The following FBXL17 variants were observed in gnomAD, a reference collection of about 807,000 sequenced individuals.
FBXL17 encodes F-box and leucine rich repeat protein 17, also known as F-box/LRR-repeat protein 17.
FBXL17 carries 22 observed loss-of-function variants against 66.2 expected under a neutral mutation model. The ratio of observed to expected loss-of-function variants is 0.33; its 90% confidence interval spans 0.24 to 0.47. The LOEUF is 0.47. Among genes scored for constraint, FBXL17 ranks in the 20% least tolerant of loss-of-function variants. The probability of loss-of-function intolerance (pLI) is 1.00; values close to 1 mark genes in which losing one functional copy is unlikely to be tolerated. For synonymous variants in FBXL17, 474 were observed against 400.5 expected, an observed-to-expected ratio of 1.18 and a Z score of -2.19; for missense variants, 878 against 948.2, an observed-to-expected ratio of 0.93 and a Z score of 0.97.
rs1314202083 is a variant in FBXL17, at chr5:108,294,292, AAT to A, written c.1506+54105_1506+54106del. ...ATATATATATATACTGAAAAAAAAA[AAT>A]ATATATATATACACTTACTGACAGT... On this transcript the variant is annotated intron_variant, in intron 4 of 8. Coordinates refer to ENST00000542267, the MANE Select transcript of FBXL17 (RefSeq NM_001163315.3). Among the ~76,000 whole-genome samples the A allele has an allele frequency of 7.5e-4, 109 of 145,866 alleles. 1 individual carries two copies. The highest frequency in any genetic ancestry group is 1.2e-3 in the East Asian group (6 of 5,018).
rs143789726 is a variant in FBXL17, at chr5:107,978,794, A to G, written c.1822+42131T>C. On this transcript the variant is annotated intron_variant, in intron 7 of 8. Coordinates refer to ENST00000542267, the MANE Select transcript of FBXL17 (RefSeq NM_001163315.3). ...TGGCTGAATATTTGAGATTTAAGTA[A>G]TAACTCTGTTGTCTTGCATGTGGCT... Among the ~76,000 whole-genome samples, 298 of 152,308 alleles carry G rather than the reference A, an allele frequency of 2.0e-3. 2 individuals carry two copies. Among genetic ancestry groups the G allele is most frequent in the African/African-American group, 6.9e-3 (286 of 41,566 alleles).
At chr5:107,865,568 A>G (rs1748249127) in intron 8 of FBXL17, among the ~76,000 whole-genome samples, 1 of 152,206 alleles carries the variant, frequency 6.6e-6, no homozygotes, top group African/African-American at 2.4e-5. Context: ...TGGGGTAAGA[A>G]TAGACAATAA....
chr5:107,991,939 G>A (rs575227907), intron 7 of FBXL17, among the ~76,000 whole-genome samples: 5 of 152,254 alleles, frequency 3.3e-5, no homozygotes, highest in South Asian at 4.1e-4. Context: ...TTTAATCATA[G>A]TATTTAATAA....
intron 6 of FBXL17, among the ~76,000 whole-genome samples, chr5:108,105,353 G>T (rs1561412164): frequency 6.6e-6 from 1 of 152,312 alleles, no homozygotes; most frequent in South Asian, 2.1e-4. Flanking sequence ...GTGAAAGATT[G>T]TAATTGTGTC....
intron 7 of FBXL17, among the ~76,000 whole-genome samples, chr5:107,913,972 A>AG (rs1750040913): frequency 7.5e-6 from 1 of 132,580 alleles, no homozygotes; most frequent in Admixed American, 8.8e-5. Flanking sequence ...TCATTTTATG[A>AG]GTTTTTTTTT....
Position 108,113,645 on chromosome 5 carries a change from T to A in FBXL17, c.1745+72472A>T, listed in dbSNP as rs141887257. On this transcript the variant is annotated intron_variant, in intron 6 of 8. Transcript: ENST00000542267. Reference sequence around the variant, plus strand: ...ACCATTAAAAAGTAGTAAATCTCTCTGAGAAATGTCCCCATTGAACTAAAC... The same window carrying A: ...ACCATTAAAAAGTAGTAAATCTCTCAGAGAAATGTCCCCATTGAACTAAAC... Among the ~76,000 whole-genome samples the A allele has an allele frequency of 3.1e-3, 467 of 152,258 alleles. 2 individuals are homozygous for A. The highest frequency in any genetic ancestry group is 0.011 in the African/African-American group (450 of 41,546).
chr5:107,927,994 T>C (rs1405318025), intron 7 of FBXL17, among the ~76,000 whole-genome samples: 1 of 152,106 alleles, frequency 6.6e-6, no homozygotes, highest in African/African-American at 2.4e-5. Flanking sequence ...AATGACTGCA[T>C]TTCTCACCAT....
At chr5:107,872,804 G>A (rs762163025) in intron 8 of FBXL17, among the ~76,000 whole-genome samples, 1 of 152,212 alleles carries the variant, frequency 6.6e-6, no homozygotes, top group African/African-American at 2.4e-5. Flanking sequence ...ATGTGAGACA[G>A]ATGCTATTAT....
chr5:107,971,270 G>A (rs1420451978), intron 7 of FBXL17, among the ~76,000 whole-genome samples: 1 of 152,082 alleles, frequency 6.6e-6, no homozygotes, highest in Admixed American at 6.6e-5. Context: ...TCTGTGTTAC[G>A]TATGAGCACA....
intron 6 of FBXL17, among the ~76,000 whole-genome samples, chr5:108,185,882 T>C (rs183365400): frequency 6.6e-6 from 1 of 152,186 alleles, no homozygotes; most frequent in African/African-American, 2.4e-5. Flanking sequence ...CAGCCTACTA[T>C]TGTTACAATT....
chr5:108,051,693 G>A (rs1027229911), intron 6 of FBXL17, among the ~76,000 whole-genome samples: 8 of 152,152 alleles, frequency 5.3e-5, no homozygotes, highest in African/African-American at 1.7e-4. Flanking sequence ...AGACAAGGAT[G>A]AGGCTGGGTG....
intron 4 of FBXL17, among the ~76,000 whole-genome samples, chr5:108,330,597 C>T (rs1201454398): frequency 6.6e-6 from 1 of 152,062 alleles, no homozygotes; most frequent in Non-Finnish European, 1.5e-5. Context: ...CTTCGTAAAG[C>T]AAAGAAGTAT....
intron 4 of FBXL17, among the ~76,000 whole-genome samples, chr5:108,303,394 A>C (rs1274667578): frequency 8.5e-6 from 1 of 118,238 alleles, no homozygotes; most frequent in Non-Finnish European, 2.0e-5. Flanking sequence ...ACACACACAC[A>C]CATACCCACA....
chr5:108,102,313 A>T (rs1405720145), intron 6 of FBXL17, among the ~76,000 whole-genome samples: 1 of 152,198 alleles, frequency 6.6e-6, no homozygotes, highest in Non-Finnish European at 1.5e-5. Flanking sequence ...ATAACTTATT[A>T]CAAATTTTAA....
At chr5:107,949,388 G>A (rs1424270033) in intron 7 of FBXL17, among the ~76,000 whole-genome samples, 3 of 152,142 alleles carry the variant, frequency 2.0e-5, no homozygotes, top group Admixed American at 1.3e-4. Flanking sequence ...TAAGGGACCT[G>A]GGTAATTACC....
chr5:108,082,278 C>G lies in FBXL17; in HGVS notation c.1746-61277G>C, dbSNP rs185534238. Among the ~76,000 whole-genome samples, 605 of 152,136 alleles carry G rather than the reference C, an allele frequency of 4.0e-3. 2 individuals are homozygous for G. Among genetic ancestry groups the G allele is most frequent in the African/African-American group, 0.014 (576 of 41,510 alleles). ...GAGCAGCAGTTGAACCAAGGACAGG[C>G]TCAGATCTCCTGGGTTTAAATCTCA... On this transcript the variant is annotated intron_variant, in intron 6 of 8. Coordinates refer to ENST00000542267, the MANE Select transcript of FBXL17 (RefSeq NM_001163315.3).
rs141274810 is a variant in FBXL17, at chr5:108,158,495, G to A, written c.1745+27622C>T. ...AACTGTAAAGCAGTGACAGTGGGGC[G>A]TGTGTGTGTGTGTCTGTGTGTGTGT... On this transcript the variant is annotated intron_variant, in intron 6 of 8. Transcript: ENST00000542267. 5.9e-3 allele frequency among the ~76,000 whole-genome samples: 632 copies of A among 107,174 alleles called. 2 individuals are homozygous for A. The highest frequency in any genetic ancestry group is 0.02 in the African/African-American group (600 of 30,662). 70.3% of individuals were successfully genotyped at this position (107,174 alleles called of 152,430 possible).
At chr5:107,948,905 G>T (rs191937518) in intron 7 of FBXL17, among the ~76,000 whole-genome samples, 20 of 152,266 alleles carry the variant, frequency 1.3e-4, no homozygotes, top group Admixed American at 1.3e-3. Context: ...TACAGACAGA[G>T]CATTCGCTCT....
chr5:108,112,945 T>C (rs1750097165), intron 6 of FBXL17, among the ~76,000 whole-genome samples: 1 of 148,818 alleles, frequency 6.7e-6, no homozygotes, highest in Admixed American at 6.7e-5. Context: ...TCCCAAACTT[T>C]TTCTTAATTC....
Sources: allele counts gnomAD v4.1 joint callset (sites outside exome capture counted in the v4.1 genomes callset), GRCh38; gene constraint gnomAD v4.1.1; transcripts MANE v1.5; gene names NCBI Gene and HGNC (gene_info 2026-07-23, HGNC 2026-07-21).